Variants in IGSF21 observed in about 807,000 individuals in gnomAD.
The protein encoded by IGSF21 is immunoglobin superfamily member 21.
Under a neutral mutation model 46.8 loss-of-function variants are expected in IGSF21, and 28 were observed. The observed-to-expected ratio is 0.60, with a 90% CI of 0.44 to 0.82. IGSF21 has a LOEUF of 0.82. Ranked by LOEUF, IGSF21 falls within the 40% of genes least tolerant of loss-of-function variation. IGSF21 has a pLI of 0.00. For synonymous variants in IGSF21, 284 were observed against 273.6 expected (o/e 1.04, Z -0.38); for missense variants, 624 against 665.5 (o/e 0.94, Z 0.69).
chr1:18,372,704 G>A (rs571762641), intron 6 of IGSF21, among the ~76,000 whole-genome samples: 1 of 151,884 alleles, frequency 6.6e-6, no homozygotes, highest in African/African-American at 2.4e-5. Flanking sequence ...TTAGATGGGT[G>A]GATGGAGGGA....
rs573494184 is a variant in IGSF21, at chr1:18,233,205, T to C, written c.183+5195T>C. The stretch of plus-strand genomic sequence containing the variant: ...AGAGCCAGATAGAGAGAGAAGGAGA[T>C]CTACAAACAGTGATAACATCCCTGC... On this transcript the variant is annotated intron_variant, in intron 2 of 9. Transcript: ENST00000251296. Among the ~76,000 whole-genome samples the C allele has an allele frequency of 3.3e-5, 5 of 152,322 alleles. No homozygotes were observed. In the South Asian group the frequency reaches 8.3e-4, roughly 25 times the overall value.
chr1:18,329,593 C>T (rs1180948831), intron 3 of IGSF21, among the ~76,000 whole-genome samples: 2 of 152,182 alleles, frequency 1.3e-5, no homozygotes, highest in African/African-American at 2.4e-5. Context: ...CTCCCAGAGA[C>T]AGATGCAGCC....
At chr1:18,152,522 G>A (rs1224794708) in intron 1 of IGSF21, among the ~76,000 whole-genome samples, 2 of 152,200 alleles carry the variant, frequency 1.3e-5, no homozygotes, top group Non-Finnish European at 2.9e-5. Flanking sequence ...GTAAGCCTAG[G>A]TGAGTCACTT....
intron 2 of IGSF21, among the ~76,000 whole-genome samples, chr1:18,291,626 CT>C (rs1242008327): frequency 1.3e-5 from 2 of 152,224 alleles, no homozygotes; most frequent in Admixed American, 6.5e-5. Flanking sequence ...GCCGCAGGGC[CT>C]TTGCTGTTCC....
rs368557794 is a variant in IGSF21, at chr1:18,228,421, A to G, written c.183+411A>G. Among the ~76,000 whole-genome samples, 10 of 152,340 alleles carry G rather than the reference A, an allele frequency of 6.6e-5. 1 individual carries two copies. In the East Asian group the frequency reaches 7.7e-4, roughly 12 times the overall value. On this transcript the variant is annotated intron_variant, in intron 2 of 9. Coordinates refer to ENST00000251296, the MANE Select transcript of IGSF21 (RefSeq NM_032880.5). The stretch of plus-strand genomic sequence containing the variant: ...AAGGCTTCCTGCCTTTTGCAAAATC[A>G]AATCACAGAGATAGTCTGCCACCTA...
rs1006737214 is a variant in IGSF21, at chr1:18,281,400, T to TA, written c.184-10458dup. Among the ~76,000 whole-genome samples the TA allele has an allele frequency of 1.7e-4, 26 of 151,460 alleles. No homozygotes were observed. In the South Asian group the frequency reaches 5.0e-3, roughly 29 times the overall value. ...CATAGTGAAACCCTGAGGTCTCTAC[T>TA]AAAAAAAATATAAAAACTAGCCAGT... On this transcript the variant is annotated intron_variant, in intron 2 of 9. Coordinates refer to ENST00000251296, the MANE Select transcript of IGSF21 (RefSeq NM_032880.5).
chr1:18,155,951 C>T (rs1436201192), intron 1 of IGSF21, among the ~76,000 whole-genome samples: 1 of 152,188 alleles, frequency 6.6e-6, no homozygotes, highest in Non-Finnish European at 1.5e-5. Flanking sequence ...GGCCCGGATG[C>T]GGTGCTGGCG....
chr1:18,303,153 T>A (rs796580049), intron 3 of IGSF21, among the ~76,000 whole-genome samples: 4 of 152,312 alleles, frequency 2.6e-5, no homozygotes, highest in African/African-American at 9.6e-5. Context: ...AGGTTCTCAG[T>A]GCCCAGCAAC....
At chr1:18,115,846 A>AAGGAAGGAAGG (rs1557543416) in intron 1 of IGSF21, 30 of 69,806 alleles carry the variant, frequency 4.3e-4, no homozygotes, top group East Asian at 2.7e-3. Context: ...AGGAAGGAAG[A>AAGGAAGGAAGG]AAGAAAGAAA....
In IGSF21 at chr1:18,200,601, C is replaced by T. The variant is rs559591058; in HGVS notation, c.71-27297C>T. 1.4e-4 allele frequency among the ~76,000 whole-genome samples: 22 copies of T among 152,312 alleles called. 2 individuals carry two copies. The South Asian group carries it at 4.6e-3, about 32-fold the overall frequency. On this transcript the variant is annotated intron_variant, in intron 1 of 9. Transcript: ENST00000251296. ...TGTCTGCTTCTGTGTCCAAATTCCG[C>T]TCTTCTTATAAGAACATTATATTCA...
intron 2 of IGSF21, among the ~76,000 whole-genome samples, chr1:18,242,148 C>T (rs772065209): frequency 6.6e-6 from 1 of 152,208 alleles, no homozygotes; most frequent in Non-Finnish European, 1.5e-5. Context: ...TGAGGGAAAA[C>T]AGCTTCCACC....
chr1:18,365,821 T>A lies in IGSF21; in HGVS notation c.1015+124T>A. 1.3e-6 allele frequency: 1 copy of A among 770,248 alleles called. No homozygotes were observed. The highest frequency in any genetic ancestry group is 2.1e-6 in the Non-Finnish European group (1 of 484,852). 47.7% of individuals were successfully genotyped at this position (770,248 alleles called of 1,614,324 possible). ...GGGGAGGAGATGGAGCAAACTGGAG[T>A]CAGGATGAGCACAAATGGTAGAGTC... is the stretch of plus-strand genomic sequence containing the variant. On this transcript the variant is annotated intron_variant, in intron 6 of 9. Coordinates refer to ENST00000251296, the MANE Select transcript of IGSF21 (RefSeq NM_032880.5). The surrounding 1 kb of genome is among the most constrained non-coding windows in gnomAD (Gnocchi z 4.8).
chr1:18,291,882 C>A lies in IGSF21; in HGVS notation c.200C>A (p.Thr67Asn), dbSNP rs761315354. The change falls in exon 3 of 10, where the codon ACC becomes AAC. Residue 67 changes from threonine (T) to asparagine (N), a missense_variant. Transcript: ENST00000251296. Reference sequence around the variant, plus strand: ...CTGTGGCAGGTGACGGATGGTGGCACCATCAAGCAAAAGATCTTCACCTTC... The same window carrying A: ...CTGTGGCAGGTGACGGATGGTGGCAACATCAAGCAAAAGATCTTCACCTTC... ...IVWYRVTDGG[T>N]IKQKIFTFDA... 7.4e-6 allele frequency: 12 copies of A among 1,613,882 alleles called. No individual in the cohort carries two copies. In the Admixed American group the frequency reaches 8.3e-5, roughly 11 times the overall value.
chr1:18,369,120 G>A (rs571071362), intron 6 of IGSF21, among the ~76,000 whole-genome samples: 64 of 152,138 alleles, frequency 4.2e-4, no homozygotes, highest in Non-Finnish European at 7.3e-4. Context: ...TTGGGGCATG[G>A]GGGACACAGC....
At chr1:18,147,338 C>T (rs1044220268) in intron 1 of IGSF21, among the ~76,000 whole-genome samples, 1 of 152,160 alleles carries the variant, frequency 6.6e-6, no homozygotes, top group Non-Finnish European at 1.5e-5. Flanking sequence ...GCCACTCCCA[C>T]CACTCTGGCC....
Position 18,365,210 on chromosome 1 carries a change from C to A in IGSF21, c.541-13C>A. The A allele has an allele frequency of 6.3e-7, 1 of 1,580,844 alleles. No homozygotes were observed. Among genetic ancestry groups the A allele is most frequent in the South Asian group, 1.1e-5 (1 of 87,492 alleles). ...CACAAAATCATTTTCCCACACCCTC[C>A]TTACAATGGCAGGTTTATTTCAAAC... On this transcript the variant is annotated splice_polypyrimidine_tract_variant and intron_variant, in intron 5 of 9. Coordinates refer to ENST00000251296, the MANE Select transcript of IGSF21 (RefSeq NM_032880.5). This position sits in a 1 kb window ranked among gnomAD's most constrained non-coding sequence, Gnocchi z 4.8.
At chr1:18,308,434 C>G (rs1329180398) in intron 3 of IGSF21, among the ~76,000 whole-genome samples, 4 of 152,182 alleles carry the variant, frequency 2.6e-5, no homozygotes, top group Non-Finnish European at 2.9e-5. Flanking sequence ...ATAGAAAAAG[C>G]CAGAGCCCCT....
chr1:18,374,439 G>A (rs908108274), intron 6 of IGSF21, among the ~76,000 whole-genome samples: 16 of 152,290 alleles, frequency 1.1e-4, no homozygotes, highest in African/African-American at 3.1e-4. Flanking sequence ...TTCCCATGGT[G>A]CACTTGGGAA....
At chr1:18,195,953 T>C (rs990194180) in intron 1 of IGSF21, among the ~76,000 whole-genome samples, 1 of 152,156 alleles carries the variant, frequency 6.6e-6, no homozygotes, top group Non-Finnish European at 1.5e-5. Context: ...CCAGCGCAAG[T>C]GGCAGGTGCA....
Sources: allele counts gnomAD v4.1 joint callset (sites outside exome capture counted in the v4.1 genomes callset), GRCh38; gene constraint gnomAD v4.1.1; non-coding constraint Gnocchi (gnomAD v3.1); transcripts MANE v1.5; gene names NCBI Gene and HGNC (gene_info 2026-07-23, HGNC 2026-07-21).